The following UBTD2 variants were observed in gnomAD, a reference collection of about 807,000 sequenced individuals.
UBTD2 encodes ubiquitin domain-containing protein 2.
Under a neutral mutation model 19.8 loss-of-function variants are expected in UBTD2, and 9 were observed. That is an observed-to-expected ratio of 0.46 (90% CI 0.27 to 0.79). UBTD2 has a LOEUF of 0.79. UBTD2 is among the 30% of genes least tolerant of loss of function. The pLI is 0.14. For synonymous variants in UBTD2, 98 were observed against 103.9 expected (o/e 0.94, Z 0.35); for missense variants, 250 against 300.4 (o/e 0.83, Z 1.24).
At chr5:172,215,112 G>T (rs553312330) in intron 2 of UBTD2, among the ~76,000 whole-genome samples, 1 of 152,270 alleles carries the variant, frequency 6.6e-6, no homozygotes, top group East Asian at 1.9e-4. Flanking sequence ...ATTGCTAAAG[G>T]CTCAGTGTGG....
At chr5:172,239,417 G>A (rs531905779) in intron 1 of UBTD2, among the ~76,000 whole-genome samples, 28 of 151,886 alleles carry the variant, frequency 1.8e-4, no homozygotes, top group African/African-American at 5.5e-4. Context: ...GTGAAACCCC[G>A]TCTCTCTCTT....
chr5:172,226,866 G>C (rs1771776699), intron 2 of UBTD2, among the ~76,000 whole-genome samples: 1 of 152,196 alleles, frequency 6.6e-6, no homozygotes, highest in African/African-American at 2.4e-5. Flanking sequence ...GTGGCATTCA[G>C]AAAAACTAAG....
At chr5:172,261,417 T>TC (rs993754651) in intron 1 of UBTD2, among the ~76,000 whole-genome samples, 5 of 152,206 alleles carry the variant, frequency 3.3e-5, no homozygotes, top group African/African-American at 1.2e-4. Context: ...GAAACTTCTT[T>TC]CCCCACACAG....
chr5:172,276,475 T>G (rs7720214), intron 1 of UBTD2, among the ~76,000 whole-genome samples: 48,610 of 151,750 alleles, frequency 0.32, 7,817 homozygotes, highest in South Asian at 0.42. Context: ...TTCATAACCA[T>G]TCTTCTATCT....
chr5:172,211,763 T>C lies in UBTD2; in HGVS notation c.*67A>G. 1 of 1,481,766 alleles carries C rather than the reference T, an allele frequency of 6.7e-7. No homozygotes were observed. Among genetic ancestry groups the C allele is most frequent in the Non-Finnish European group, 9.0e-7 (1 of 1,107,908 alleles). The allele number at this position is 1,481,766 out of a possible 1,614,324, so 91.8% of individuals were successfully genotyped here. ...GTGAAATAGATTTCACGCCGCAGAG[T>C]AGGAAATGACAACAAGAACCATAAA... On this transcript the variant is annotated 3_prime_UTR_variant, in exon 3 of 3. Coordinates refer to ENST00000393792, the MANE Select transcript of UBTD2 (RefSeq NM_152277.3).
rs908436169 is a variant in UBTD2 at position 172,254,124 on chromosome 5, G to A, written c.71-19766C>T. ...CCTTTTTTCTTTTTCTTTTGAGACA[G>A]AGTCTCGCTCTGTCGCCCAGGCTGG... On this transcript the variant is annotated intron_variant, in intron 1 of 2. Coordinates refer to ENST00000393792, the MANE Select transcript of UBTD2 (RefSeq NM_152277.3). Among the ~76,000 whole-genome samples the A allele has an allele frequency of 2.9e-4, 44 of 152,120 alleles. 1 individual carries two copies.
chr5:172,269,100 T>C (rs1343506264), intron 1 of UBTD2, among the ~76,000 whole-genome samples: 1 of 152,166 alleles, frequency 6.6e-6, no homozygotes, highest in Non-Finnish European at 1.5e-5. Context: ...GATATATAAA[T>C]ATGACAAAAT....
chr5:172,220,562 G>T (rs1019701084), intron 2 of UBTD2, among the ~76,000 whole-genome samples: 1 of 152,190 alleles, frequency 6.6e-6, no homozygotes, highest in African/African-American at 2.4e-5. Context: ...TTGAACCCAG[G>T]AGGTGGAGGT....
rs1266680177 is a variant in UBTD2 at position 172,234,293 on chromosome 5, T to C, written c.136A>G (p.Thr46Ala). The change falls in exon 2 of 3, where the codon ACA becomes GCA. Residue 46 changes from threonine (T) to alanine (A), a missense_variant. Coordinates refer to ENST00000393792, the MANE Select transcript of UBTD2 (RefSeq NM_152277.3). ...KPKWKSDYPM[T>A]DGQLRSKRDE... Reference sequence around the variant, plus strand: ...CTCTTGCTGCGTAGTTGTCCATCTGTCATAGGATAATCGCTTTTCCATTTT... The same window carrying C: ...CTCTTGCTGCGTAGTTGTCCATCTGCCATAGGATAATCGCTTTTCCATTTT... The C allele has an allele frequency of 1.2e-6, 2 of 1,614,108 alleles. No individual in the cohort carries two copies. The highest frequency in any genetic ancestry group is 1.3e-5 in the African/African-American group (1 of 74,944).
chr5:172,214,067 G>C (rs1771499600), intron 2 of UBTD2, among the ~76,000 whole-genome samples: 1 of 152,242 alleles, frequency 6.6e-6, no homozygotes, highest in Admixed American at 6.5e-5. Context: ...TCACAGGCGT[G>C]AGCCACCGTG....
rs145094772 is a variant in UBTD2, at chr5:172,241,620, A to G, written c.71-7262T>C. Among the ~76,000 whole-genome samples, 893 of 152,236 alleles carry G rather than the reference A, an allele frequency of 5.9e-3. 7 individuals are homozygous for G. Among genetic ancestry groups the G allele is most frequent in the Middle Eastern group, 0.014 (4 of 294 alleles). ...ATTGCAGATGATATAATATAGTTTGATATCTGGTAGGGCCAGGTATTACAA... is the reference window on the plus strand; with the variant it reads ...ATTGCAGATGATATAATATAGTTTGGTATCTGGTAGGGCCAGGTATTACAA... On this transcript the variant is annotated intron_variant, in intron 1 of 2. Transcript: ENST00000393792.
chr5:172,262,460 A>G (rs923548561), intron 1 of UBTD2, among the ~76,000 whole-genome samples: 2 of 151,218 alleles, frequency 1.3e-5, no homozygotes, highest in Non-Finnish European at 2.9e-5. Flanking sequence ...AAAAAAAAAA[A>G]AAAAAAAACA....
At chr5:172,251,231 A>G (rs1755006317) in intron 1 of UBTD2, among the ~76,000 whole-genome samples, 1 of 149,702 alleles carries the variant, frequency 6.7e-6, no homozygotes, top group African/African-American at 2.5e-5. Flanking sequence ...AGGCAGGAGA[A>G]TGGCCTGAAC....
At chr5:172,253,098 T>G (rs934029026) in intron 1 of UBTD2, among the ~76,000 whole-genome samples, 1 of 152,224 alleles carries the variant, frequency 6.6e-6, no homozygotes, top group African/African-American at 2.4e-5. Context: ...GGCACCACCA[T>G]AGCTCAGTGC....
chr5:172,223,370 TG>T (rs1771689354), intron 2 of UBTD2, among the ~76,000 whole-genome samples: 1 of 151,676 alleles, frequency 6.6e-6, no homozygotes, highest in African/African-American at 2.4e-5. Flanking sequence ...TTTGGGAGGC[TG>T]AGGTGGGCAG....
intron 1 of UBTD2, among the ~76,000 whole-genome samples, chr5:172,264,062 A>G (rs1369984825): frequency 2.0e-5 from 3 of 152,116 alleles, no homozygotes; most frequent in Non-Finnish European, 2.9e-5. Flanking sequence ...CTGAAATAAA[A>G]TTAGTCTTTG....
intron 1 of UBTD2, among the ~76,000 whole-genome samples, chr5:172,272,694 C>T (rs1229988172): frequency 2.0e-5 from 3 of 152,152 alleles, no homozygotes; most frequent in African/African-American, 7.2e-5. Flanking sequence ...GAGGACTCAC[C>T]TGGGTAAAGT....
chr5:172,228,101 G>A (rs896035652), intron 2 of UBTD2, among the ~76,000 whole-genome samples: 1 of 152,166 alleles, frequency 6.6e-6, no homozygotes, highest in African/African-American at 2.4e-5. Flanking sequence ...TCCTGTCTAT[G>A]TCTTAAGAGA....
intron 1 of UBTD2, among the ~76,000 whole-genome samples, chr5:172,264,795 G>A (rs551380791): frequency 2.4e-4 from 37 of 152,056 alleles, no homozygotes; most frequent in African/African-American, 8.9e-4. Flanking sequence ...AAGATGGCTT[G>A]AGCCCAGGAG....
Sources: allele counts gnomAD v4.1 joint callset (sites outside exome capture counted in the v4.1 genomes callset), GRCh38; gene constraint gnomAD v4.1.1; transcripts MANE v1.5; gene names NCBI Gene and HGNC (gene_info 2026-07-23, HGNC 2026-07-21).